CARS2: variants seen among roughly 807,000 people sequenced by gnomAD.
CARS2 encodes the protein cysteinyl-tRNA synthetase 2, mitochondrial.
CARS2 carries 52 observed loss-of-function variants against 68.8 expected under a neutral mutation model. That is an observed-to-expected ratio of 0.76 (90% CI 0.61 to 0.95). CARS2 has a LOEUF of 0.95. Ranked by LOEUF, CARS2 falls within the 40% of genes least tolerant of loss-of-function variation. The pLI is 0.00. For synonymous variants in CARS2, 314 were observed against 303.6 expected, an observed-to-expected ratio of 1.03 and a Z score of -0.36; for missense variants, 780 against 754.2, an observed-to-expected ratio of 1.03 and a Z score of -0.40.
intron 3 of CARS2, among the ~76,000 whole-genome samples, chr13:110,694,682 T>G (rs1041101547): frequency 1.1e-4 from 17 of 152,122 alleles, no homozygotes; most frequent in Non-Finnish European, 2.2e-4. Flanking sequence ...ATATCCTACC[T>G]CTTTTAATTC....
chr13:110,691,896 G>A (rs1166129166), intron 3 of CARS2, among the ~76,000 whole-genome samples: 4 of 149,228 alleles, frequency 2.7e-5, no homozygotes, highest in African/African-American at 9.9e-5. Context: ...CATCCACAGG[G>A]GCATCCCTAG....
rs2062677132 is a variant in CARS2 at position 110,667,332 on chromosome 13, T to G, written c.919+8A>C. 1.2e-6 allele frequency: 2 copies of G among 1,607,750 alleles called. No homozygotes were observed. The highest frequency in any genetic ancestry group is 1.7e-6 in the Non-Finnish European group (2 of 1,177,024). The stretch of plus-strand genomic sequence containing the variant: ...AACAGAACAAATTAATCTGAAGTTA[T>G]TACTTACCAGAATGCAGAAAATAAT... On this transcript the variant is annotated splice_region_variant and intron_variant, in intron 8 of 14. Transcript: ENST00000257347.
chr13:110,641,496 G>A lies in CARS2; in HGVS notation c.*41C>T, dbSNP rs751803576. 16 of 1,484,988 alleles carry A rather than the reference G, an allele frequency of 1.1e-5. No homozygotes were observed. Among genetic ancestry groups the A allele is most frequent in the South Asian group, 6.8e-5 (6 of 88,626 alleles). The allele number at this position is 1,484,988 out of a possible 1,614,324, so 92.0% of individuals were successfully genotyped here. ...AAAGCCTTGACCCTGAGAAGCATGG[G>A]TGCGTCTTGTCGTGAGCAGGTTCAT... is the stretch of plus-strand genomic sequence containing the variant. On this transcript the variant is annotated 3_prime_UTR_variant, in exon 15 of 15. Transcript: ENST00000257347.
At chr13:110,685,560 A>C (rs890115503) in intron 5 of CARS2, among the ~76,000 whole-genome samples, 1 of 152,274 alleles carries the variant, frequency 6.6e-6, no homozygotes, top group African/African-American at 2.4e-5. Context: ...GGCGTCATTC[A>C]GTAAAGCAAA....
intron 12 of CARS2, chr13:110,645,720 T>G: frequency 2.2e-6 from 1 of 452,276 alleles, no homozygotes. Context: ...CACACAGAAT[T>G]TCTCAGCCTC....
chr13:110,670,266 G>T lies in CARS2; in HGVS notation c.786-2793C>A, dbSNP rs541064749. Among the ~76,000 whole-genome samples, 3 of 152,280 alleles carry T rather than the reference G, an allele frequency of 2.0e-5. No homozygotes were observed. In the South Asian group the frequency reaches 6.2e-4, roughly 32 times the overall value. ...AACGGACAGACTGCCTCCTCAAGTGGGTCCCTGATCCCCGAGTAGACCAAC... is the reference window on the plus strand; with the variant it reads ...AACGGACAGACTGCCTCCTCAAGTGTGTCCCTGATCCCCGAGTAGACCAAC... On this transcript the variant is annotated intron_variant, in intron 7 of 14. Transcript: ENST00000257347. The surrounding 1 kb of genome is among the most constrained non-coding windows in gnomAD (Gnocchi z 4.1).
chr13:110,695,889 T>A (rs1035034134), intron 3 of CARS2, among the ~76,000 whole-genome samples: 2 of 152,004 alleles, frequency 1.3e-5, no homozygotes, highest in Non-Finnish European at 2.9e-5. Context: ...CAACCCGTCA[T>A]CTACATTAGG....
intron 9 of CARS2, among the ~76,000 whole-genome samples, chr13:110,662,348 ATGGC>A (rs2062533523): frequency 2.9e-5 from 3 of 101,822 alleles, no homozygotes; most frequent in East Asian, 2.7e-4. Context: ...ATGCAACCCC[ATGGC>A]CAGGCTCCGA....
intron 3 of CARS2, among the ~76,000 whole-genome samples, chr13:110,691,535 G>A (rs1465535523): frequency 6.6e-6 from 1 of 151,994 alleles, no homozygotes; most frequent in Non-Finnish European, 1.5e-5. Context: ...ATTTGCCTTG[G>A]GGTCTCTTTT....
At chr13:110,711,482 A>C (rs953517491) in intron 1 of CARS2, among the ~76,000 whole-genome samples, 1 of 152,240 alleles carries the variant, frequency 6.6e-6, no homozygotes, top group African/African-American at 2.4e-5. Context: ...CCAAAGTGGT[A>C]GGATTACAGG....
chr13:110,666,339 T>C, intron 8 of CARS2: 1 of 984,990 alleles, frequency 1.0e-6, no homozygotes, highest in Non-Finnish European at 1.2e-6. Context: ...CCCAGGGAAA[T>C]GGTATGGGGT....
At chr13:110,651,309 G>T in intron 9 of CARS2, 1 of 537,892 alleles carries the variant, frequency 1.9e-6, no homozygotes, top group Non-Finnish European at 3.3e-6. Flanking sequence ...CTCAGTATTT[G>T]TGGAAAGAGC....
chr13:110,687,213 T>C (rs1042512213), intron 5 of CARS2, among the ~76,000 whole-genome samples: 7 of 152,150 alleles, frequency 4.6e-5, no homozygotes, highest in African/African-American at 9.7e-5. Flanking sequence ...GGAAAAGATA[T>C]TTAGAACTAA....
intron 3 of CARS2, among the ~76,000 whole-genome samples, chr13:110,690,920 T>C (rs2063440935): frequency 6.6e-6 from 1 of 152,264 alleles, no homozygotes; most frequent in Admixed American, 6.5e-5. Context: ...ATCTCCCATG[T>C]TTAGGAACTA....
intron 12 of CARS2, 85 bp downstream of exon 12, chr13:110,645,882 C>T: frequency 2.0e-6 from 3 of 1,507,792 alleles, no homozygotes; most frequent in South Asian, 2.5e-5. Context: ...GAGATGCCAC[C>T]CAGCCGACAT....
At chr13:110,662,972 G>A (rs1053737584) in intron 9 of CARS2, 1 of 456,130 alleles carries the variant, frequency 2.2e-6, no homozygotes, top group Non-Finnish European at 4.4e-6. Context: ...CCATTCACAC[G>A]AAAATTCACA....
chr13:110,713,438 CTAG>C (rs1338402630), exon 1 of CARS2: 2 of 997,426 alleles, frequency 2.0e-6, no homozygotes, highest in Non-Finnish European at 2.4e-6. Flanking sequence ...CCAAAAACTC[CTAG>C]TAAAGTTTGC....
Position 110,653,429 on chromosome 13 carries a change from C to T in CARS2, c.988-2329G>A, listed in dbSNP as rs376233529. ...CTGTGGTTCCAATTAACGCACACAG[C>T]CATGTCCTGCCGGTTTCAGTTCAGG... On this transcript the variant is annotated intron_variant, in intron 9 of 14. Transcript: ENST00000257347. This position sits in a 1 kb window ranked among gnomAD's most constrained non-coding sequence, Gnocchi z 5.6. Among the ~76,000 whole-genome samples, 1 of 152,168 alleles carries T rather than the reference C, an allele frequency of 6.6e-6. No homozygotes were observed. The highest frequency in any genetic ancestry group is 2.4e-5 in the African/African-American group (1 of 41,428).
At chr13:110,681,660 A>G (rs1737008181) in intron 6 of CARS2, among the ~76,000 whole-genome samples, 1 of 152,198 alleles carries the variant, frequency 6.6e-6, no homozygotes, top group South Asian at 2.1e-4. Flanking sequence ...ATAATTGCCA[A>G]AACTCAGAAG....
Sources: allele counts gnomAD v4.1 joint callset (sites outside exome capture counted in the v4.1 genomes callset), GRCh38; gene constraint gnomAD v4.1.1; non-coding constraint Gnocchi (gnomAD v3.1); transcripts MANE v1.5; gene names NCBI Gene and HGNC (gene_info 2026-07-23, HGNC 2026-07-21).